Variants in MAPKAP1 observed in about 807,000 individuals in gnomAD.
MAPKAP1 encodes the protein target of rapamycin complex 2 subunit MAPKAP1.
MAPKAP1 carries 20 observed loss-of-function variants against 65.7 expected under a neutral mutation model. The ratio of observed to expected loss-of-function variants is 0.30; its 90% CI spans 0.21 to 0.44. The LOEUF is 0.44. MAPKAP1 is among the 20% of genes least tolerant of loss of function. The pLI is 1.00. For missense variants in MAPKAP1, 423 were observed against 648.0 expected, an observed-to-expected ratio of 0.65 and a Z score of 3.77; for synonymous variants, 222 against 244.3, an observed-to-expected ratio of 0.91 and a Z score of 0.85.
At chr9:125,686,829 GGTT>G in intron 1 of MAPKAP1, among the ~76,000 whole-genome samples, 1 of 151,582 alleles carries the variant, frequency 6.6e-6, no homozygotes, top group African/African-American at 2.4e-5. Flanking sequence ...GTTTTGTTTT[GGTT>G]TTTTTTTTTT....
intron 1 of MAPKAP1, among the ~76,000 whole-genome samples, chr9:125,676,014 T>C (rs564659420): frequency 1.3e-5 from 2 of 152,298 alleles, no homozygotes; most frequent in East Asian, 1.9e-4. Context: ...TTTGAAGCTA[T>C]GTTTGATTTC....
chr9:125,483,439 C>T (rs1326817900), intron 9 of MAPKAP1, among the ~76,000 whole-genome samples: 1 of 152,114 alleles, frequency 6.6e-6, no homozygotes, highest in African/African-American at 2.4e-5. Flanking sequence ...CAAACTAATG[C>T]CAACATTAGA....
At chr9:125,667,795 A>G (rs1350697277) in intron 3 of MAPKAP1, among the ~76,000 whole-genome samples, 1 of 152,218 alleles carries the variant, frequency 6.6e-6, no homozygotes, top group East Asian at 1.9e-4. Flanking sequence ...AGAGGAGCTT[A>G]AATAAACTTG....
At chr9:125,629,029 C>G (rs1341566747) in intron 4 of MAPKAP1, among the ~76,000 whole-genome samples, 1 of 150,800 alleles carries the variant, frequency 6.6e-6, no homozygotes, top group Non-Finnish European at 1.5e-5. Context: ...ACCATACTTA[C>G]ACCTGTTAGG....
At chr9:125,537,166 AT>A (rs1830097451) in intron 7 of MAPKAP1, among the ~76,000 whole-genome samples, 1 of 152,200 alleles carries the variant, frequency 6.6e-6, no homozygotes, top group Non-Finnish European at 1.5e-5. Context: ...TAGATTCACC[AT>A]TTACTTACTA....
intron 4 of MAPKAP1, among the ~76,000 whole-genome samples, chr9:125,631,798 T>C (rs1201930147): frequency 6.6e-6 from 1 of 152,140 alleles, no homozygotes; most frequent in African/African-American, 2.4e-5. Context: ...CACCAGCACT[T>C]CACCTACCTA....
chr9:125,499,405 G>A (rs1317616071), intron 8 of MAPKAP1, among the ~76,000 whole-genome samples: 3 of 152,084 alleles, frequency 2.0e-5, no homozygotes, highest in Non-Finnish European at 4.4e-5. Flanking sequence ...ATAATAAATT[G>A]TTTTCATAAT....
At chr9:125,463,946 G>A (rs1322134195) in intron 10 of MAPKAP1, among the ~76,000 whole-genome samples, 1 of 152,174 alleles carries the variant, frequency 6.6e-6, no homozygotes, top group Non-Finnish European at 1.5e-5. Context: ...GCATGGCTGA[G>A]TCTGGTTCTG....
chr9:125,621,479 CAT>C lies in MAPKAP1; in HGVS notation c.499-35754_499-35753del, dbSNP rs534928591. Among the ~76,000 whole-genome samples, 3 of 152,198 alleles carry C rather than the reference CAT, an allele frequency of 2.0e-5. No homozygotes were observed. The East Asian group carries it at 5.8e-4, about 29-fold the overall frequency. ...AGCAATACTACCTATCTCAGAAGTT[CAT>C]ATGAGGATTAAATGAGATAATGTAT... On this transcript the variant is annotated intron_variant, in intron 4 of 11. Transcript: ENST00000265960.
intron 5 of MAPKAP1, 23 bp from the exon 6 acceptor site, chr9:125,559,832 G>A (rs779169173): frequency 5.6e-6 from 9 of 1,598,624 alleles, no homozygotes; most frequent in Admixed American, 3.4e-5. Flanking sequence ...CCAAAAAGGC[G>A]AGTGAATACC....
At chr9:125,679,004 A>AT (rs57513847) in intron 1 of MAPKAP1, among the ~76,000 whole-genome samples, 4 of 145,384 alleles carry the variant, frequency 2.8e-5, no homozygotes, top group African/African-American at 5.0e-5. Flanking sequence ...AATAAACACA[A>AT]TTTTTTTTTT....
chr9:125,648,735 G>C (rs1833804449), intron 4 of MAPKAP1, among the ~76,000 whole-genome samples: 1 of 152,150 alleles, frequency 6.6e-6, no homozygotes, highest in Non-Finnish European at 1.5e-5. Context: ...CTGGTCAGGA[G>C]TTGGAGACCA....
At chr9:125,455,238 G>C (rs1853120211) in intron 10 of MAPKAP1, among the ~76,000 whole-genome samples, 1 of 152,124 alleles carries the variant, frequency 6.6e-6, no homozygotes, top group Non-Finnish European at 1.5e-5. Context: ...AAGTTGTTAG[G>C]ATTACATAAC....
intron 6 of MAPKAP1, among the ~76,000 whole-genome samples, chr9:125,552,036 T>C (rs561027145): frequency 1.9e-4 from 29 of 152,308 alleles, no homozygotes; most frequent in African/African-American, 3.8e-4. Flanking sequence ...TTCCCATTCC[T>C]CCCACTCCCT....
chr9:125,484,452 C>G lies in MAPKAP1; in HGVS notation c.1198G>C (p.Val400Leu). 6.2e-7 allele frequency: 1 copy of G among 1,610,558 alleles called. No homozygotes were observed. Among genetic ancestry groups the G allele is most frequent in the Non-Finnish European group, 8.5e-7 (1 of 1,178,290 alleles). Residue 400 changes from valine (V) to leucine (L), a missense_variant, in exon 9 of 12, where the codon GTA becomes CTA. By Grantham distance (32) the Val-to-Leu change is conservative. This residue lies in a region of MAPKAP1 where 185 missense variants were observed against 268.1 expected (regional missense o/e 0.69). Coordinates refer to ENST00000265960, the MANE Select transcript of MAPKAP1 (RefSeq NM_001006617.3). ...CTGCTCACACACTTACCTAGCTGTA[C>G]GTCGGTTGTGAATCGCAGTCTGTGG... ...MIHRLRFTTD[V>L]QLGISGDKVE...
intron 4 of MAPKAP1, among the ~76,000 whole-genome samples, chr9:125,589,343 C>CTCCT (rs1831884214): frequency 3.3e-5 from 5 of 152,270 alleles, no homozygotes; most frequent in Non-Finnish European, 5.9e-5. Flanking sequence ...CTCTGAACTT[C>CTCCT]CTTGAGAGCA....
chr9:125,550,906 T>C (rs1830563593), intron 6 of MAPKAP1, among the ~76,000 whole-genome samples: 1 of 152,198 alleles, frequency 6.6e-6, no homozygotes, highest in South Asian at 2.1e-4. Flanking sequence ...TCAGGCCTGG[T>C]TACAAAGAAC....
At chr9:125,535,537 G>A (rs1387335480) in intron 7 of MAPKAP1, among the ~76,000 whole-genome samples, 1 of 152,170 alleles carries the variant, frequency 6.6e-6, no homozygotes, top group Non-Finnish European at 1.5e-5. Flanking sequence ...GCCACACAGA[G>A]CTTAAGAGCA....
At chr9:125,613,958 C>T (rs1421889173) in intron 4 of MAPKAP1, among the ~76,000 whole-genome samples, 2 of 152,048 alleles carry the variant, frequency 1.3e-5, no homozygotes, top group South Asian at 2.1e-4. Context: ...CCACCACGCT[C>T]GGCTAATTTT....
Sources: gnomAD v4.1 joint callset for allele counts (sites outside exome capture counted in the v4.1 genomes callset) on GRCh38, gnomAD v4.1.1 for gene constraint, gnomAD v4.1.1 regional missense constraint, MANE v1.5 for transcripts, NCBI Gene and HGNC (gene_info 2026-07-23, HGNC 2026-07-21) for gene names.